DDIAS: variants seen among roughly 807,000 people sequenced by gnomAD.
DDIAS encodes the protein DNA damage-induced apoptosis suppressor protein.
Under a neutral mutation model 15.7 loss-of-function variants are expected in DDIAS, and 14 were observed. The observed-to-expected ratio is 0.89, with a 90% CI of 0.59 to 1.39. The LOEUF (loss-of-function observed/expected upper bound fraction) is 1.39, where lower values mean the gene tolerates loss of function less well. Among genes scored for constraint, DDIAS ranks in the 40% most tolerant of loss-of-function variants. DDIAS has a pLI of 0.00. For synonymous variants in DDIAS, 355 were observed against 395.9 expected, an observed-to-expected ratio of 0.90 and a Z score of 1.23; for missense variants, 1,035 against 1,130.9, an observed-to-expected ratio of 0.92 and a Z score of 1.22.
chr11:82,924,538 G>A (rs946772481), intron 3 of DDIAS, among the ~76,000 whole-genome samples: 3 of 152,164 alleles, frequency 2.0e-5, no homozygotes, highest in Non-Finnish European at 4.4e-5. Flanking sequence ...AATGAGGCTG[G>A]GCATAGTAGC....
intron 3 of DDIAS, among the ~76,000 whole-genome samples, chr11:82,919,923 C>T (rs181790495): frequency 1.4e-4 from 21 of 152,316 alleles, no homozygotes; most frequent in East Asian, 3.9e-4. Context: ...CAGGGTTTCA[C>T]GGTGTTAGCC....
chr11:82,934,205 C>T lies in DDIAS; in HGVS notation c.2867C>T (p.Ala956Val), dbSNP rs900202480. Residue 956 changes from alanine to valine, a missense_variant, in exon 6 of 6, where the codon GCA becomes GTA. Ala to Val is a moderately conservative substitution (Grantham distance 64). Transcript: ENST00000533655. ...TGTCCAGACATTCAAGTCTTAGCAGCACCTCAGCTGCACCCTATTCTTGGA... is the reference window on the plus strand; with the variant it reads ...TGTCCAGACATTCAAGTCTTAGCAGTACCTCAGCTGCACCCTATTCTTGGA... ...SKCPDIQVLA[A>V]PQLHPILGPD... is the part of the protein sequence containing the mutation. 1 of 1,614,160 alleles carries T rather than the reference C, an allele frequency of 6.2e-7. No homozygotes were observed. Among genetic ancestry groups the T allele is most frequent in the Non-Finnish European group, 8.5e-7 (1 of 1,180,026 alleles).
Position 82,926,371 on chromosome 11 carries a change from G to A in DDIAS, c.114-2406G>A, listed in dbSNP as rs181442852. 4.4e-3 allele frequency among the ~76,000 whole-genome samples: 666 copies of A among 152,112 alleles called. 5 individuals are homozygous for A. The highest frequency in any genetic ancestry group is 0.017 in the Admixed American group (253 of 15,286). ...CCCAAAGTGCTGGGATTACAGGTGT[G>A]AGCCATCACGCCTGGCCCAAGTAAA... On this transcript the variant is annotated intron_variant, in intron 3 of 5. Coordinates refer to ENST00000533655, the MANE Select transcript of DDIAS (RefSeq NM_145018.4).
chr11:82,908,905 C>T (rs1380681058), intron 1 of DDIAS, among the ~76,000 whole-genome samples: 1 of 152,106 alleles, frequency 6.6e-6, no homozygotes, highest in African/African-American at 2.4e-5. Context: ...TTCTTTAGCC[C>T]TTCTCTTTCT....
At position 82,933,641 on chromosome 11, in the gene DDIAS, T is replaced by A. The variant is rs187279843; in HGVS notation, c.2303T>A (p.Phe768Tyr). The change falls in exon 6 of 6, where the codon TTT becomes TAT. Residue 768 changes from phenylalanine (F) to tyrosine (Y), a missense_variant. Phe to Tyr is a conservative substitution (Grantham distance 22). Transcript: ENST00000533655. Reference sequence around the variant, plus strand: ...TATAATTTTGAAAATAGTCAAGACTTTGTTCCATGTTCACAGTCAACTCCA... The same window carrying A: ...TATAATTTTGAAAATAGTCAAGACTATGTTCCATGTTCACAGTCAACTCCA... ...SEYNFENSQD[F>Y]VPCSQSTPIS... The A allele has an allele frequency of 3.1e-6, 5 of 1,614,010 alleles. No individual in the cohort carries two copies. The highest frequency in any genetic ancestry group is 3.3e-5 in the Admixed American group (2 of 59,996).
intron 1 of DDIAS, among the ~76,000 whole-genome samples, chr11:82,911,087 T>C (rs1860523498): frequency 1.3e-5 from 2 of 152,240 alleles, no homozygotes; most frequent in Admixed American, 1.3e-4. Flanking sequence ...AATGATCATC[T>C]GAGCCTTCAA....
At chr11:82,910,659 A>G (rs1860516358) in intron 1 of DDIAS, among the ~76,000 whole-genome samples, 1 of 122,604 alleles carries the variant, frequency 8.2e-6, no homozygotes. Context: ...TCTTTCACCC[A>G]GGCTGGAGTG....
chr11:82,931,964 A>C lies in DDIAS; in HGVS notation c.626A>C (p.His209Pro). The C allele has an allele frequency of 1.2e-6, 2 of 1,614,060 alleles. No homozygotes were observed. The highest frequency in any genetic ancestry group is 1.7e-5 in the Admixed American group (1 of 60,022). ...APNNHLLALD[H>P]SNSDLSSIYT... ...AACAATCACTTACTTGCTTTAGATC[A>C]CTCAAATAGTGATCTCAGCAGCATA... The change falls in exon 6 of 6, where the codon CAC (histidine) becomes CCC (proline). Residue 209 changes from histidine to proline, a missense_variant. Transcript: ENST00000533655.
At chr11:82,924,024 C>T (rs1270871011) in intron 3 of DDIAS, among the ~76,000 whole-genome samples, 2 of 152,162 alleles carry the variant, frequency 1.3e-5, no homozygotes, top group African/African-American at 4.8e-5. Context: ...ATTTCTAACA[C>T]TAATAACTTT....
rs372280162 is a variant in DDIAS at position 82,931,973 on chromosome 11, G to A, written c.635G>A (p.Ser212Asn). The A allele has an allele frequency of 2.5e-6, 4 of 1,614,042 alleles. No individual in the cohort carries two copies. Among genetic ancestry groups the A allele is most frequent in the Non-Finnish European group, 3.4e-6 (4 of 1,179,980 alleles). Residue 212 changes from serine (S) to asparagine (N), a missense_variant, in exon 6 of 6, where the codon AGT (serine) becomes AAT (asparagine). By Grantham distance (46) the Ser-to-Asn change is conservative. Coordinates refer to ENST00000533655, the MANE Select transcript of DDIAS (RefSeq NM_145018.4). Reference sequence around the variant, plus strand: ...TTACTTGCTTTAGATCACTCAAATAGTGATCTCAGCAGCATATATACTTCT... The same window carrying A: ...TTACTTGCTTTAGATCACTCAAATAATGATCTCAGCAGCATATATACTTCT... ...NHLLALDHSNSDLSSIYTSDS... is the reference protein window; with the variant it reads ...NHLLALDHSNNDLSSIYTSDS...
At chr11:82,930,388 C>T in intron 5 of DDIAS, 114 bp downstream of exon 5, 1 of 732,682 alleles carries the variant, frequency 1.4e-6, no homozygotes, top group Non-Finnish European at 2.2e-6. Context: ...CCTGTAGAAA[C>T]ACTTTAAACT....
intron 4 of DDIAS, 129 bp downstream of exon 4, chr11:82,929,067 A>G (rs1268198327): frequency 9.9e-7 from 1 of 1,007,256 alleles, no homozygotes; most frequent in Non-Finnish European, 1.4e-6. Flanking sequence ...TTTAAAAGAC[A>G]AGCAAGTAAG....
At chr11:82,921,629 G>C (rs4592447) in intron 3 of DDIAS, among the ~76,000 whole-genome samples, 5,971 of 138,056 alleles carry the variant, frequency 0.043, 185 homozygotes, top group African/African-American at 0.087. Context: ...CCAGGCTGGA[G>C]TGAAGTGGTG....
In DDIAS at chr11:82,930,263, T is replaced by A; in HGVS notation, c.382T>A (p.Phe128Ile). Residue 128 changes from phenylalanine to isoleucine, a missense_variant, in exon 5 of 6, where the codon TTT becomes ATT. Coordinates refer to ENST00000533655, the MANE Select transcript of DDIAS (RefSeq NM_145018.4). ...ETCFVGQSFI[F>I]GVTNFENQPG... ...TTGCTTTGTTGGACAAAGCTTTATT[T>A]TTGGAGTGACGGTAATTGAGACTAG... The A allele has an allele frequency of 2.6e-6, 4 of 1,563,698 alleles. No individual in the cohort carries two copies. Among genetic ancestry groups the A allele is most frequent in the Non-Finnish European group, 3.5e-6 (4 of 1,140,532 alleles).
At chr11:82,931,509 G>A (rs955712127) in intron 5 of DDIAS, among the ~76,000 whole-genome samples, 1 of 152,024 alleles carries the variant, frequency 6.6e-6, no homozygotes, top group Non-Finnish European at 1.5e-5. Flanking sequence ...ACGCCACCAT[G>A]CCCAGCTAAT....
chr11:82,933,588 A>AAC lies in DDIAS; in HGVS notation c.2253_2254dup (p.Pro752HisfsTer38). 6.2e-7 allele frequency: 1 copy of AAC among 1,613,938 alleles called. No homozygotes were observed. On this transcript the variant is annotated frameshift_variant, in exon 6 of 6. Transcript: ENST00000533655. LOFTEE classifies it low-confidence loss of function (END_TRUNC). ...CTAGGCATTCAAGAACATGCTCTCC[A>AAC]ACACCTCATTTTCAATCAGATTCAG...
In DDIAS at chr11:82,934,230, AC is replaced by A; in HGVS notation, c.2894del (p.Pro965LeufsTer43). Reference sequence around the variant, plus strand: ...CACCTCAGCTGCACCCTATTCTTGGACCTGATTCTTGTTCAGAAGTCAAATG... The same window carrying A: ...CACCTCAGCTGCACCCTATTCTTGGACTGATTCTTGTTCAGAAGTCAAATG... ...AAPQLHPILG[P>X]DSCSEVKCCL... On this transcript the variant is annotated frameshift_variant, in exon 6 of 6. Transcript: ENST00000533655. LOFTEE classifies it low-confidence loss of function (END_TRUNC). 1 of 1,614,060 alleles carries A rather than the reference AC, an allele frequency of 6.2e-7. No individual in the cohort carries two copies. The highest frequency in any genetic ancestry group is 8.5e-7 in the Non-Finnish European group (1 of 1,179,976).
intron 4 of DDIAS, 88 bp downstream of exon 4, chr11:82,929,026 G>C (rs1394056481): frequency 6.3e-6 from 9 of 1,426,332 alleles, no homozygotes; most frequent in East Asian, 2.4e-5. Flanking sequence ...TTTGTAGAAA[G>C]ATAATCATTC....
chr11:82,931,500 C>T (rs1343993691), intron 5 of DDIAS, among the ~76,000 whole-genome samples: 5 of 152,030 alleles, frequency 3.3e-5, no homozygotes, highest in African/African-American at 4.8e-5. Context: ...TACAGGCACA[C>T]GCCACCATGC....
Sources: gnomAD v4.1 joint callset for allele counts (sites outside exome capture counted in the v4.1 genomes callset) on GRCh38, gnomAD v4.1.1 for gene constraint, MANE v1.5 for transcripts, NCBI Gene and HGNC (gene_info 2026-07-23, HGNC 2026-07-21) for gene names.